CASKIN1: variants seen among roughly 807,000 people sequenced by gnomAD.
The protein encoded by CASKIN1 is CASK interacting protein 1.
In CASKIN1, 42 loss-of-function variants were observed where a neutral mutation model predicts 117.5. The ratio of observed to expected loss-of-function variants is 0.36; its 90% CI spans 0.28 to 0.46. The LOEUF (loss-of-function observed/expected upper bound fraction) is 0.46, where lower values mean the gene tolerates loss of function less well. Among genes scored for constraint, CASKIN1 ranks in the 20% least tolerant of loss-of-function variants. The pLI is 1.00. For missense variants in CASKIN1, 2,083 were observed against 2,077.3 expected (o/e 1.00, Z -0.05); for synonymous variants, 1,148 against 961.7 (o/e 1.19, Z -3.59).
At position 2,184,834 on chromosome 16, in the gene CASKIN1, G is replaced by A. The variant is rs755679431; in HGVS notation, c.1359C>T (p.Ala453=). 6.5e-5 allele frequency: 101 copies of A among 1,558,160 alleles called. No individual in the cohort carries two copies. The highest frequency in any genetic ancestry group is 1.9e-4 in the African/African-American group (14 of 72,860). The change falls in exon 14 of 20, where the codon GCC becomes GCT. Residue 453 remains alanine (A), a synonymous_variant. Coordinates refer to ENST00000343516, the MANE Select transcript of CASKIN1 (RefSeq NM_020764.4). ...GCGGCTGCTCCCCATAGACCTGCCC[G>A]GCGTGGGCCACTGGAGGCTGGGACC... The part of the protein sequence containing the change: ...VARSQPPVAH[A]GQVYGEQPPK...
In CASKIN1 at chr16:2,190,174, G is replaced by A. The variant is rs369301720; in HGVS notation, c.147-4C>T. 1.9e-6 allele frequency: 3 copies of A among 1,612,814 alleles called. No individual in the cohort carries two copies. The African/African-American group carries it at 4.0e-5, about 22-fold the overall frequency. On this transcript the variant is annotated splice_region_variant and splice_polypyrimidine_tract_variant and intron_variant, in intron 2 of 19. Transcript: ENST00000343516. ...CGCATGGTGCAGAGCCGAGAAGCTG[G>A]CACGTGCAGAGGACACATAGAGCAG...
chr16:2,189,723 TGGGGGC>T (rs2093195637), intron 3 of CASKIN1, among the ~76,000 whole-genome samples, 159 bp from the exon 4 acceptor site: 1 of 143,224 alleles, frequency 7.0e-6, no homozygotes, highest in Admixed American at 6.9e-5. Context: ...CCCTTGGGGT[TGGGGGC>T]GGGGGTTTGC....
chr16:2,195,186 C>G (rs1183767906), intron 1 of CASKIN1, among the ~76,000 whole-genome samples: 1 of 152,246 alleles, frequency 6.6e-6, no homozygotes, highest in Non-Finnish European at 1.5e-5. Flanking sequence ...CCGGTGCCCC[C>G]TCTCTCTTAC....
chr16:2,178,483 A>G lies in CASKIN1; in HGVS notation c.*67T>C. On this transcript the variant is annotated 3_prime_UTR_variant, in exon 20 of 20. Transcript: ENST00000343516. ...GCTCGCGCCGCGCCCAGACGCGCCC[A>G]TCCTGAGGTATAGGTCAGTGTGCGG... 2.3e-6 allele frequency: 3 copies of G among 1,306,762 alleles called. No individual in the cohort carries two copies. Among genetic ancestry groups the G allele is most frequent in the Non-Finnish European group, 2.1e-6 (2 of 975,026 alleles). 80.9% of individuals were successfully genotyped at this position (1,306,762 alleles called of 1,614,324 possible).
Position 2,179,784 on chromosome 16 carries a change from G to T in CASKIN1, c.3584C>A (p.Pro1195His), listed in dbSNP as rs1337329574. The T allele has an allele frequency of 1.9e-6, 3 of 1,570,450 alleles. No homozygotes were observed. In the South Asian group the frequency reaches 3.4e-5, roughly 18 times the overall value. ...GGTGGGCGGGGGTTCGGCAGGCGGG[G>T]GCGGTGGAGGCAGCTCCGGAGGCCC... ...QAGPPELPPPPPPAEPPPTDL... is the reference protein window; with the variant it reads ...QAGPPELPPPHPPAEPPPTDL... Residue 1195 changes from proline (P) to histidine (H), a missense_variant, in exon 18 of 20, where the codon CCC becomes CAC. By Grantham distance (77) the Pro-to-His change is moderately conservative (BLOSUM62 -2). Coordinates refer to ENST00000343516, the MANE Select transcript of CASKIN1 (RefSeq NM_020764.4). This position sits in a 1 kb window ranked among gnomAD's most constrained non-coding sequence, Gnocchi z 5.8.
rs372558539 is a variant in CASKIN1, at chr16:2,181,352, C to T, written c.2016G>A (p.Gly672=). ...QAAMTGPAEV[G]PTTEKPSSHL... ...GGCTGGAGGGCTTCTCAGTGGTGGG[C>T]CCCACCTCAGCCGGGCCAGTCATGG... The change falls in exon 18 of 20, where the codon GGG becomes GGA. Residue 672 remains glycine, a synonymous_variant. Coordinates refer to ENST00000343516, the MANE Select transcript of CASKIN1 (RefSeq NM_020764.4). 139 of 1,605,792 alleles carry T rather than the reference C, an allele frequency of 8.7e-5. No individual in the cohort carries two copies. The highest frequency in any genetic ancestry group is 1.1e-4 in the Non-Finnish European group (134 of 1,178,168).
intron 1 of CASKIN1, among the ~76,000 whole-genome samples, chr16:2,195,077 C>T (rs2093211756): frequency 6.6e-6 from 1 of 152,236 alleles, no homozygotes. Flanking sequence ...TCAATCCCTA[C>T]ACCTGCTCTC....
Position 2,178,931 on chromosome 16 carries a change from C to T in CASKIN1, c.4170G>A (p.Lys1390=), listed in dbSNP as rs751202773. The T allele has an allele frequency of 1.0e-5, 15 of 1,494,416 alleles. No homozygotes were observed. In the East Asian group the frequency reaches 2.8e-4, roughly 28 times the overall value. The allele number at this position is 1,494,416 out of a possible 1,614,324, so 92.6% of individuals were successfully genotyped here. The change falls in exon 19 of 20, where the codon AAG becomes AAA. Residue 1390 remains lysine (K), a synonymous_variant. Coordinates refer to ENST00000343516, the MANE Select transcript of CASKIN1 (RefSeq NM_020764.4). ...GGCCCTGCGCGTCCTCCTGCCGGATCTTCTCCTCCACCGCCTGCAGCGCCG... is the reference window on the plus strand; with the variant it reads ...GGCCCTGCGCGTCCTCCTGCCGGATTTTCTCCTCCACCGCCTGCAGCGCCG... ...LAAALQAVEE[K]IRQEDAQGPR...
At chr16:2,184,502 G>A (rs1396648059) in intron 14 of CASKIN1, among the ~76,000 whole-genome samples, 5 of 152,064 alleles carry the variant, frequency 3.3e-5, no homozygotes, top group South Asian at 2.1e-4. Context: ...ACACAGACAC[G>A]CGTGCCCAGC....
chr16:2,190,059 T>G lies in CASKIN1; in HGVS notation c.244+14A>C. 8.7e-7 allele frequency: 1 copy of G among 1,146,800 alleles called. No homozygotes were observed. The highest frequency in any genetic ancestry group is 1.2e-6 in the Non-Finnish European group (1 of 809,174). The allele number at this position is 1,146,800 out of a possible 1,614,324, so 71.0% of individuals were successfully genotyped here. A position where few individuals can be genotyped will look rare whatever the true frequency, so the allele number is the denominator to read the frequency against. Reference sequence around the variant, plus strand: ...CCGCCCCTGCCCCCACCAGAGGCCCTCGGCTAGTCTTGCCTTTGTTGTCCT... The same window carrying G: ...CCGCCCCTGCCCCCACCAGAGGCCCGCGGCTAGTCTTGCCTTTGTTGTCCT... On this transcript the variant is annotated intron_variant, in intron 3 of 19. Coordinates refer to ENST00000343516, the MANE Select transcript of CASKIN1 (RefSeq NM_020764.4).
chr16:2,179,709 T>C lies in CASKIN1; in HGVS notation c.3659A>G (p.Lys1220Arg). ...GGGAGAGACAGGCGGCTTGGCCGGC[T>C]TCCGGGCTTCGCCCTCGGGCGGGGG... ...PLPPPEGEARKPAKPPVSPKP... is the reference protein window; with the variant it reads ...PLPPPEGEARRPAKPPVSPKP... The change falls in exon 18 of 20, where the codon AAG becomes AGG. Residue 1220 changes from lysine to arginine, a missense_variant. Physicochemically the swap from Lys to Arg is conservative, Grantham distance 26. Transcript: ENST00000343516. The surrounding 1 kb of genome is among the most constrained non-coding windows in gnomAD (Gnocchi z 5.8). 3 of 1,527,288 alleles carry C rather than the reference T, an allele frequency of 2.0e-6. No homozygotes were observed. The highest frequency in any genetic ancestry group is 2.6e-6 in the Non-Finnish European group (3 of 1,145,288). The allele number at this position is 1,527,288 out of a possible 1,614,324, so 94.6% of individuals were successfully genotyped here.
In CASKIN1 at chr16:2,183,763, G is replaced by A. The variant is rs1201770446; in HGVS notation, c.1528-16C>T. 7 of 1,613,044 alleles carry A rather than the reference G, an allele frequency of 4.3e-6. No homozygotes were observed. In the Admixed American group the frequency reaches 5.0e-5, roughly 12 times the overall value. On this transcript the variant is annotated splice_polypyrimidine_tract_variant and intron_variant, in intron 15 of 19. Coordinates refer to ENST00000343516, the MANE Select transcript of CASKIN1 (RefSeq NM_020764.4). ...CCGTGAGGTCCTAGGCAGTGGGGAGGCTTGTCAGCTAGGGGCTGGGCCCAT... is the reference window on the plus strand; with the variant it reads ...CCGTGAGGTCCTAGGCAGTGGGGAGACTTGTCAGCTAGGGGCTGGGCCCAT...
In CASKIN1 at chr16:2,179,071, G is replaced by T. The variant is rs1013545238; in HGVS notation, c.4030C>A (p.Arg1344=). 16 of 983,656 alleles carry T rather than the reference G, an allele frequency of 1.6e-5. No homozygotes were observed. The African/African-American group carries it at 2.9e-4, about 18-fold the overall frequency. 60.9% of individuals were successfully genotyped at this position (983,656 alleles called of 1,614,324 possible). A position where few individuals can be genotyped will look rare whatever the true frequency, so the allele number is the denominator to read the frequency against. The change falls in exon 19 of 20, where the codon CGA becomes AGA. Residue 1344 remains arginine (R), a synonymous_variant. Transcript: ENST00000343516. This position sits in a 1 kb window ranked among gnomAD's most constrained non-coding sequence, Gnocchi z 5.8. ...GCGGCGGCGGCGGCGGCGGCGGCTC[G>T]CGGGGGCTTGGCGGGCACGTGCAGC... The part of the protein sequence containing the change: ...PALHVPAKPP[R]AAAAAAAAAA...
chr16:2,195,994 C>T (rs2093214791), intron 1 of CASKIN1, among the ~76,000 whole-genome samples: 1 of 152,012 alleles, frequency 6.6e-6, no homozygotes, highest in Non-Finnish European at 1.5e-5. Context: ...TCCGCCTCGC[C>T]CTTTGAAGGC....
rs543505417 is a variant in CASKIN1 at position 2,195,679 on chromosome 16, G to C, written c.94+660C>G. On this transcript the variant is annotated intron_variant, in intron 1 of 19. Coordinates refer to ENST00000343516, the MANE Select transcript of CASKIN1 (RefSeq NM_020764.4). ...TCCCAGCAGGGAAGCTGGAGACCCGGCTCTGCTGGAGCCTGCCTGAGCAGG... is the reference window on the plus strand; with the variant it reads ...TCCCAGCAGGGAAGCTGGAGACCCGCCTCTGCTGGAGCCTGCCTGAGCAGG... Among the ~76,000 whole-genome samples the C allele has an allele frequency of 1.2e-4, 19 of 152,318 alleles. 1 individual carries two copies. In the South Asian group the frequency reaches 1.9e-3, roughly 15 times the overall value.
Position 2,177,875 on chromosome 16 carries a change from C to G in CASKIN1, c.*675G>C. 3.4e-6 allele frequency: 1 copy of G among 292,372 alleles called. No homozygotes were observed. Among genetic ancestry groups the G allele is most frequent in the Non-Finnish European group, 6.5e-6 (1 of 152,870 alleles). 18.1% of individuals were successfully genotyped at this position (292,372 alleles called of 1,614,324 possible). A position where few individuals can be genotyped will look rare whatever the true frequency, so the allele number is the denominator to read the frequency against. ...CCCCGGCAGAGCACCCGCCCCCGGG[C>G]CCCAGCCTTCCACCTGTGCTAGCAG... On this transcript the variant is annotated 3_prime_UTR_variant, in exon 20 of 20. Transcript: ENST00000343516.
chr16:2,185,094 G>A lies in CASKIN1; in HGVS notation c.1239+17C>T, dbSNP rs770762399. 1.4e-5 allele frequency: 22 copies of A among 1,608,934 alleles called. No individual in the cohort carries two copies. Among genetic ancestry groups the A allele is most frequent in the Non-Finnish European group, 1.8e-5 (21 of 1,179,132 alleles). Reference sequence around the variant, plus strand: ...CCCAGCCCTGGCCACCCTGGCCCTGGCCACTACCCCACCTACCTTGACGCC... The same window carrying A: ...CCCAGCCCTGGCCACCCTGGCCCTGACCACTACCCCACCTACCTTGACGCC... On this transcript the variant is annotated intron_variant, in intron 12 of 19. Coordinates refer to ENST00000343516, the MANE Select transcript of CASKIN1 (RefSeq NM_020764.4).
Position 2,178,601 on chromosome 16 carries a change from G to A in CASKIN1, c.4245C>T (p.Ile1415=). ...EKSTGSILDD[I]GSMFDDLADQ... is the part of the protein sequence containing the mutation. ...CGGCCAGGTCGTCGAACATGCTGCC[G>A]ATGTCGTCCAGGATGCTGCCAGTGC... The change falls in exon 20 of 20, where the codon ATC becomes ATT. Residue 1415 remains isoleucine (I), a synonymous_variant. Coordinates refer to ENST00000343516, the MANE Select transcript of CASKIN1 (RefSeq NM_020764.4). The A allele has an allele frequency of 1.3e-6, 2 of 1,597,582 alleles. No homozygotes were observed. The highest frequency in any genetic ancestry group is 1.8e-4 in the Middle Eastern group (1 of 5,670).
chr16:2,184,329 C>G (rs1013681506), intron 14 of CASKIN1, among the ~76,000 whole-genome samples: 5 of 152,132 alleles, frequency 3.3e-5, no homozygotes, highest in Admixed American at 3.3e-4. Context: ...CGGGCTGGAC[C>G]GGAAGGTGGG....
Sources: gnomAD v4.1 joint callset for allele counts (sites outside exome capture counted in the v4.1 genomes callset) on GRCh38, gnomAD v4.1.1 for gene constraint, Gnocchi (gnomAD v3.1) non-coding constraint, MANE v1.5 for transcripts, NCBI Gene and HGNC (gene_info 2026-07-23, HGNC 2026-07-21) for gene names.